The following IL22 variants were observed in gnomAD, a reference collection of about 807,000 sequenced individuals.
IL22 encodes the protein interleukin-22.
In IL22, 15 loss-of-function variants were observed where a neutral mutation model predicts 15.5. The observed-to-expected ratio is 0.97, with a 90% CI of 0.65 to 1.49. The LOEUF is 1.49. Among genes scored for constraint, IL22 ranks in the 40% most tolerant of loss-of-function variants. IL22 has a pLI of 0.00. For synonymous variants in IL22, 91 were observed against 82.0 expected (o/e 1.11, Z -0.60); for missense variants, 225 against 215.4 (o/e 1.04, Z -0.28).
chr12:68,253,387 A>G lies in IL22; in HGVS notation c.62T>C (p.Leu21Pro), dbSNP rs1870010003. The change falls in exon 2 of 6, where the codon CTC becomes CCC. Residue 21 changes from leucine (L) to proline (P), a missense_variant. Transcript: ENST00000538666. ...FLMGTLATSC[L>P]LLLALLVQGG... Reference sequence around the variant, plus strand: ...CTGTACCAAGAGGGCCAAGAGAAGGAGGCAGCTGGTGGCCAGGGTCCCCAT... The same window carrying G: ...CTGTACCAAGAGGGCCAAGAGAAGGGGGCAGCTGGTGGCCAGGGTCCCCAT... 1 of 1,613,150 alleles carries G rather than the reference A, an allele frequency of 6.2e-7. No homozygotes were observed. Among genetic ancestry groups the G allele is most frequent in the South Asian group, 1.1e-5 (1 of 90,980 alleles).
intron 4 of IL22, 42 bp downstream of exon 4, chr12:68,252,462 G>A: frequency 6.2e-7 from 1 of 1,606,220 alleles, no homozygotes; most frequent in Non-Finnish European, 8.5e-7. Flanking sequence ...GTGGAAGGAG[G>A]GAAGGAGGGG....
intron 3 of IL22, 25 bp downstream of exon 3, chr12:68,252,739 C>G (rs1052861940): frequency 2.5e-6 from 4 of 1,612,750 alleles, no homozygotes; most frequent in Non-Finnish European, 3.4e-6. Context: ...GGCACACGGC[C>G]CTGTTCGTCA....
intron 4 of IL22, among the ~76,000 whole-genome samples, chr12:68,252,142 T>C (rs535222495): frequency 4.7e-4 from 72 of 152,236 alleles, no homozygotes; most frequent in African/African-American, 1.6e-3. Context: ...CTAATTTCTC[T>C]CCATGCCATC....
In IL22 at chr12:68,253,591, A is replaced by C; in HGVS notation, c.-55T>G. The C allele has an allele frequency of 1.8e-6, 1 of 560,966 alleles. No homozygotes were observed. Among genetic ancestry groups the C allele is most frequent in the African/African-American group, 1.9e-5 (1 of 51,642 alleles). 34.7% of individuals were successfully genotyped at this position (560,966 alleles called of 1,614,324 possible). On this transcript the variant is annotated 5_prime_UTR_variant, in exon 1 of 6. Coordinates refer to ENST00000538666, the MANE Select transcript of IL22 (RefSeq NM_020525.5). ...TTTGCCGAAACGCTTACCTGTTCTG[A>C]AGATTCTGCTTGTGACGGGGAAGGT...
chr12:68,248,619 A>C lies in IL22; in HGVS notation c.*180T>G, dbSNP rs1869817326. 1.7e-6 allele frequency: 1 copy of C among 575,928 alleles called. No homozygotes were observed. Among genetic ancestry groups the C allele is most frequent in the African/African-American group, 1.9e-5 (1 of 53,550 alleles). 35.7% of individuals were successfully genotyped at this position (575,928 alleles called of 1,614,324 possible). On this transcript the variant is annotated 3_prime_UTR_variant, in exon 6 of 6. Coordinates refer to ENST00000538666, the MANE Select transcript of IL22 (RefSeq NM_020525.5). The stretch of plus-strand genomic sequence containing the variant: ...TAGAAAGTCTACCTTCTGGTCTTAT[A>C]AACAAAAGTGGCATTGGTTTCCTTT...
At chr12:68,252,217 T>G (rs961898279) in intron 4 of IL22, among the ~76,000 whole-genome samples, 1 of 152,162 alleles carries the variant, frequency 6.6e-6, no homozygotes, top group Admixed American at 6.5e-5. Context: ...TCCCAACACC[T>G]TTCTCATCTT....
At chr12:68,252,165 C>T (rs1275202991) in intron 4 of IL22, among the ~76,000 whole-genome samples, 3 of 152,152 alleles carry the variant, frequency 2.0e-5, no homozygotes, top group African/African-American at 4.8e-5. Flanking sequence ...CTCCCCTCAA[C>T]AACTTAGACT....
rs868133096 is a variant in IL22 at position 68,248,420 on chromosome 12, A to T, written c.*379T>A. The T allele has an allele frequency of 6.5e-6, 1 of 152,800 alleles. No individual in the cohort carries two copies. The highest frequency in any genetic ancestry group is 1.9e-4 in the East Asian group (1 of 5,262). 9.5% of individuals were successfully genotyped at this position (152,800 alleles called of 1,614,324 possible). ...GCAGTCTTATAATAATAATAAATAC[A>T]TTTATAAATATAAAGTACTGATTAT... On this transcript the variant is annotated 3_prime_UTR_variant, in exon 6 of 6. Coordinates refer to ENST00000538666, the MANE Select transcript of IL22 (RefSeq NM_020525.5).
rs933947375 is a variant in IL22 at position 68,248,866 on chromosome 12, C to G, written c.473G>C (p.Ser158Thr). 1.9e-6 allele frequency: 3 copies of G among 1,612,202 alleles called. No individual in the cohort carries two copies. The highest frequency in any genetic ancestry group is 1.7e-5 in the Admixed American group (1 of 59,942). ...LKDTVKKLGE[S>T]GEIKAIGELD... ...TTCTCCAATTGCTTTGATCTCTCCA[C>G]TCTCTCCAAGCTGTGAAAATAAGAA... Residue 158 changes from serine to threonine, a missense_variant, in exon 6 of 6, where the codon AGT becomes ACT. Physicochemically the swap from Ser to Thr is moderately conservative, Grantham distance 58. Coordinates refer to ENST00000538666, the MANE Select transcript of IL22 (RefSeq NM_020525.5).
At chr12:68,251,079 AATTTGCCCATAGGC>A (rs1393787710) in intron 5 of IL22, among the ~76,000 whole-genome samples, 1 of 152,194 alleles carries the variant, frequency 6.6e-6, no homozygotes, top group African/African-American at 2.4e-5. Flanking sequence ...ACTTCAAATA[AATTTGCCCATAGGC>A]ATTTTTCTGT....
chr12:68,253,347 C>A lies in IL22; in HGVS notation c.102G>T (p.Ala34=), dbSNP rs1485455097. The change falls in exon 2 of 6, where the codon GCG becomes GCT. Residue 34 remains alanine (A), a synonymous_variant. Transcript: ENST00000538666. ...LALLVQGGAA[A]PISSHCRLDK... The stretch of plus-strand genomic sequence containing the variant: ...CAAGCCTGCAGTGGGAGCTGATGGG[C>A]GCAGCTGCTCCTCCCTGTACCAAGA... 3 of 1,613,574 alleles carry A rather than the reference C, an allele frequency of 1.9e-6. No homozygotes were observed. Among genetic ancestry groups the A allele is most frequent in the Non-Finnish European group, 2.5e-6 (3 of 1,179,796 alleles).
intron 5 of IL22, among the ~76,000 whole-genome samples, chr12:68,250,575 G>A (rs115609072): frequency 2.6e-3 from 393 of 152,324 alleles, no homozygotes; most frequent in African/African-American, 9.1e-3. Flanking sequence ...GTACCTGCTT[G>A]CAAGAGCGTC....
In IL22 at chr12:68,253,296, A is replaced by G; in HGVS notation, c.153T>C (p.Tyr51=). ...CCAGCATGAAGGTGCGGTTGGTGAT[A>G]TAGGGCTGCTGGAAGTTGGACTTGT... ...RLDKSNFQQP[Y]ITNRTFMLAK... is the part of the protein sequence containing the mutation. The change falls in exon 2 of 6, where the codon TAT becomes TAC. Residue 51 remains tyrosine (Y), a synonymous_variant. Transcript: ENST00000538666. 1 of 1,613,766 alleles carries G rather than the reference A, an allele frequency of 6.2e-7. No individual in the cohort carries two copies. The highest frequency in any genetic ancestry group is 8.5e-7 in the Non-Finnish European group (1 of 1,179,800).
chr12:68,252,925 C>T lies in IL22; in HGVS notation c.187-96G>A, dbSNP rs1869988008. 3.3e-6 allele frequency: 3 copies of T among 916,322 alleles called. No individual in the cohort carries two copies. The South Asian group carries it at 4.2e-5, about 13-fold the overall frequency. The allele number at this position is 916,322 out of a possible 1,614,324, so 56.8% of individuals were successfully genotyped here. On this transcript the variant is annotated intron_variant, in intron 2 of 5. Transcript: ENST00000538666. ...GCCCCATCCCGTCTCCCCAGAGCAA[C>T]ATCATAAAGACTAAAAGCAGAATTC...
At chr12:68,252,712 C>T (rs1049520866) in intron 3 of IL22, 52 bp downstream of exon 3, 1 of 1,611,620 alleles carries the variant, frequency 6.2e-7, no homozygotes, top group Non-Finnish European at 8.5e-7. Context: ...TCACCACCAC[C>T]CCAAGTACCC....
Position 68,248,688 on chromosome 12 carries a change from G to A in IL22, c.*111C>T, listed in dbSNP as rs1009581952. The A allele has an allele frequency of 2.9e-4, 222 of 772,314 alleles. 1 individual carries two copies. Among genetic ancestry groups the A allele is most frequent in the Admixed American group, 1.5e-3 (67 of 45,490 alleles). 47.8% of individuals were successfully genotyped at this position (772,314 alleles called of 1,614,324 possible). The stretch of plus-strand genomic sequence containing the variant: ...CATTTGGAATCCACCCATCATGATG[G>A]AGTTTGGCTTCCCATCTTCCTTTTG... On this transcript the variant is annotated 3_prime_UTR_variant, in exon 6 of 6. Transcript: ENST00000538666.
Position 68,253,441 on chromosome 12 carries a change from G to A in IL22, c.8C>T (p.Ala3Val). MA[A>V]LQKSVSSFLM... ...GAAAGAGCTCACAGATTTCTGCAGGGCGGCCATTGCAGACAATTCTAACTC... is the reference window on the plus strand; with the variant it reads ...GAAAGAGCTCACAGATTTCTGCAGGACGGCCATTGCAGACAATTCTAACTC... The change falls in exon 2 of 6, where the codon GCC (alanine) becomes GTC (valine). Residue 3 changes from alanine (A) to valine (V), a missense_variant. Ala to Val is a moderately conservative substitution (Grantham distance 64). Transcript: ENST00000538666. The A allele has an allele frequency of 1.3e-6, 2 of 1,595,428 alleles. No individual in the cohort carries two copies. Among genetic ancestry groups the A allele is most frequent in the Non-Finnish European group, 1.7e-6 (2 of 1,169,046 alleles).
chr12:68,251,921 T>C (rs1869945454), intron 4 of IL22, among the ~76,000 whole-genome samples: 1 of 152,202 alleles, frequency 6.6e-6, no homozygotes, highest in African/African-American at 2.4e-5. Flanking sequence ...GAAATGTACA[T>C]AAAACATCTC....
chr12:68,252,883 T>G (rs568872779), intron 2 of IL22, 54 bp from the exon 3 acceptor site: 1 of 1,407,340 alleles, frequency 7.1e-7, no homozygotes, highest in African/African-American at 1.4e-5. Context: ...AGAAAAAAAA[T>G]TTATACATAG....
Sources: allele counts gnomAD v4.1 joint callset (sites outside exome capture counted in the v4.1 genomes callset), GRCh38; gene constraint gnomAD v4.1.1; transcripts MANE v1.5; gene names NCBI Gene and HGNC (gene_info 2026-07-23, HGNC 2026-07-21).